ZFPM1: variants seen among roughly 807,000 people sequenced by gnomAD.
ZFPM1 encodes zinc finger protein, FOG family member 1, also known as zinc finger protein ZFPM1.
Under a neutral mutation model 46.3 loss-of-function variants are expected in ZFPM1, and 28 were observed. The ratio of observed to expected loss-of-function variants is 0.60; its 90% CI spans 0.45 to 0.83. The LOEUF is 0.83. Ranked by LOEUF, ZFPM1 falls within the 40% of genes least tolerant of loss-of-function variation. The probability of loss-of-function intolerance (pLI) is 0.00; values close to 1 mark genes in which losing one functional copy is unlikely to be tolerated. For missense variants in ZFPM1, 1,878 were observed against 1,432.4 expected, an observed-to-expected ratio of 1.31 and a Z score of -5.02; for synonymous variants, 957 against 675.9, an observed-to-expected ratio of 1.42 and a Z score of -6.45.
At chr16:88,510,145 G>A (rs944107221) in intron 3 of ZFPM1, among the ~76,000 whole-genome samples, 8 of 152,162 alleles carry the variant, frequency 5.3e-5, no homozygotes, top group Non-Finnish European at 5.9e-5. Flanking sequence ...CCGAGGGAAC[G>A]TCATGCTGGC....
chr16:88,476,382 C>G (rs1908686975), intron 1 of ZFPM1, among the ~76,000 whole-genome samples: 1 of 152,112 alleles, frequency 6.6e-6, no homozygotes, highest in Non-Finnish European at 1.5e-5. Context: ...GGCACCGTTC[C>G]AGATGCTGGG....
chr16:88,472,907 A>G (rs1176654830), intron 1 of ZFPM1, among the ~76,000 whole-genome samples: 1 of 152,240 alleles, frequency 6.6e-6, no homozygotes, highest in Non-Finnish European at 1.5e-5. Flanking sequence ...CAGGCGGGGC[A>G]GCAGGCCCAG....
At chr16:88,485,440 CTT>C (rs56232487) in intron 1 of ZFPM1, among the ~76,000 whole-genome samples, 29 of 139,136 alleles carry the variant, frequency 2.1e-4, no homozygotes, top group East Asian at 2.1e-4. Context: ...ATCATCAGGT[CTT>C]TTTTTTTTTT....
chr16:88,470,922 C>T (rs1252022569), intron 1 of ZFPM1, among the ~76,000 whole-genome samples: 1 of 152,074 alleles, frequency 6.6e-6, no homozygotes, highest in African/African-American at 2.4e-5. Context: ...GAGCTCCGAG[C>T]AGGGGATGAG....
intron 1 of ZFPM1, among the ~76,000 whole-genome samples, chr16:88,455,528 G>A (rs1318552663): frequency 3.2e-5 from 1 of 31,016 alleles, no homozygotes; most frequent in Admixed American, 2.4e-4. Context: ...CCGCCCGCCC[G>A]CCCTCTTGCC....
intron 2 of ZFPM1, 53 bp downstream of exon 2, chr16:88,486,096 T>G: frequency 6.5e-7 from 1 of 1,534,546 alleles, no homozygotes; most frequent in South Asian, 1.2e-5. Flanking sequence ...CTCCATTGCT[T>G]ACCCGTACCA....
chr16:88,505,902 T>C (rs1257932003), intron 3 of ZFPM1, among the ~76,000 whole-genome samples: 1 of 151,962 alleles, frequency 6.6e-6, no homozygotes, highest in Non-Finnish European at 1.5e-5. Context: ...AACCACGTGC[T>C]CACCCCAAGG....
chr16:88,512,150 T>A (rs1370886420), intron 3 of ZFPM1, among the ~76,000 whole-genome samples: 1 of 152,190 alleles, frequency 6.6e-6, no homozygotes, highest in Non-Finnish European at 1.5e-5. Context: ...CGGCTGGCCC[T>A]GGAGCTCCGA....
At chr16:88,526,979 C>G in intron 5 of ZFPM1, 63 bp downstream of exon 5, 6 of 1,509,866 alleles carry the variant, frequency 4.0e-6, no homozygotes, top group Non-Finnish European at 5.3e-6. Context: ...TTGGCTCCCC[C>G]TGGGCTGAGC....
chr16:88,508,799 C>G (rs564831687), intron 3 of ZFPM1, among the ~76,000 whole-genome samples: 1 of 152,336 alleles, frequency 6.6e-6, no homozygotes, highest in South Asian at 2.1e-4. Context: ...ACCCAGATTA[C>G]GGGCTTTTCC....
intron 6 of ZFPM1, 89 bp from the exon 7 acceptor site, chr16:88,531,913 G>A (rs1357806994): frequency 7.5e-6 from 10 of 1,333,706 alleles, no homozygotes; most frequent in Middle Eastern, 2.6e-4. Flanking sequence ...GGTGGGGTCC[G>A]TCACGGCCAG....
At chr16:88,461,247 G>GTGAGGACCGAGGGGTGC (rs1567525965) in intron 1 of ZFPM1, among the ~76,000 whole-genome samples, 3 of 125,488 alleles carry the variant, frequency 2.4e-5, no homozygotes, top group Admixed American at 2.3e-4. Context: ...GGGTGGGGCG[G>GTGAGGACCGAGGGGTGC]GAGGCCCTGG....
rs910708207 is a variant in ZFPM1 at position 88,532,651 on chromosome 16, C to T, written c.984C>T (p.Ala328=). ...TCGTGTGCCTGATCTGCCTGTCGGC[C>T]TTCACCACCAAGGCCAACTGCGAGC... The part of the protein sequence containing the change: ...RPFVCLICLS[A]FTTKANCERH... Residue 328 remains alanine, a synonymous_variant, in exon 8 of 10, where the codon GCC becomes GCT. Transcript: ENST00000319555. 1.2e-5 allele frequency: 19 copies of T among 1,594,084 alleles called. No homozygotes were observed. The highest frequency in any genetic ancestry group is 1.5e-5 in the Non-Finnish European group (18 of 1,170,414).
chr16:88,514,357 A>T, intron 3 of ZFPM1, 30 bp from the exon 4 acceptor site: 1 of 1,556,974 alleles, frequency 6.4e-7, no homozygotes. Flanking sequence ...CAGACCGGGC[A>T]CGCCTCATGC....
chr16:88,532,935 G>C lies in ZFPM1; in HGVS notation c.1189G>C (p.Asp397His). The C allele has an allele frequency of 6.2e-7, 1 of 1,612,938 alleles. No individual in the cohort carries two copies. The highest frequency in any genetic ancestry group is 8.5e-7 in the Non-Finnish European group (1 of 1,179,950). The change falls in exon 9 of 10, where the codon GAC (aspartate) becomes CAC (histidine). Residue 397 changes from aspartate to histidine, a missense_variant and splice_region_variant. Physicochemically the swap from Asp to His is moderately conservative, Grantham distance 81. Transcript: ENST00000319555. The part of the protein sequence containing the change: ...AGHPATKLPP[D>H]SLGSFQQQHT... ...ACACCCAGCAACCAAGCTGCCCCCA[G>C]GTGAGCAGCCCTGTGGGGGCCACCC...
chr16:88,459,032 G>A (rs1196558997), intron 1 of ZFPM1, among the ~76,000 whole-genome samples: 3 of 152,240 alleles, frequency 2.0e-5, no homozygotes, highest in African/African-American at 4.8e-5. Flanking sequence ...GGGGAGAGCC[G>A]GCGCCCGTCA....
chr16:88,518,734 A>AGGGTGGAT (rs1325841141), intron 4 of ZFPM1, among the ~76,000 whole-genome samples: 3 of 82,386 alleles, frequency 3.6e-5, no homozygotes, highest in African/African-American at 5.3e-5. Flanking sequence ...GATGGCTGAG[A>AGGGTGGAT]GGGTGGATGG....
chr16:88,515,137 G>A (rs1016533533), intron 4 of ZFPM1, among the ~76,000 whole-genome samples: 8 of 152,226 alleles, frequency 5.3e-5, no homozygotes, highest in Admixed American at 3.9e-4. Flanking sequence ...GGGTATAATG[G>A]TTTCTTTTAA....
intron 3 of ZFPM1, among the ~76,000 whole-genome samples, chr16:88,506,289 G>T (rs1033377982): frequency 1.3e-5 from 2 of 149,994 alleles, no homozygotes; most frequent in African/African-American, 2.5e-5. Flanking sequence ...GGGCAGGGGT[G>T]GGGGGGCACC....
Sources: allele counts gnomAD v4.1 joint callset (sites outside exome capture counted in the v4.1 genomes callset), GRCh38; gene constraint gnomAD v4.1.1; transcripts MANE v1.5; gene names NCBI Gene and HGNC (gene_info 2026-07-23, HGNC 2026-07-21).